Variants in SYT2 observed in about 807,000 individuals in gnomAD.
SYT2 encodes the protein synaptotagmin-2.
In SYT2, 15 loss-of-function variants were observed where a neutral mutation model predicts 39.9. The ratio of observed to expected loss-of-function variants is 0.38; its 90% CI spans 0.25 to 0.58. The LOEUF is 0.58. Ranked by LOEUF, SYT2 falls within the 20% of genes least tolerant of loss-of-function variation. The probability of loss-of-function intolerance (pLI) is 0.70; values close to 1 mark genes in which losing one functional copy is unlikely to be tolerated. For missense variants in SYT2, 389 were observed against 530.3 expected (o/e 0.73, Z 2.62); for synonymous variants, 181 against 204.5 (o/e 0.89, Z 0.98).
chr1:202,618,678 T>C (rs1572629073), intron 1 of SYT2, among the ~76,000 whole-genome samples: 2 of 152,122 alleles, frequency 1.3e-5, no homozygotes, highest in African/African-American at 4.8e-5. Context: ...GTTGCATGGG[T>C]AGAGACCGCA....
chr1:202,705,022 C>A (rs1442713506), intron 1 of SYT2, among the ~76,000 whole-genome samples: 1 of 152,252 alleles, frequency 6.6e-6, no homozygotes, highest in Non-Finnish European at 1.5e-5. Flanking sequence ...CCTCCTGCTT[C>A]TACTCAACGC....
intron 1 of SYT2, among the ~76,000 whole-genome samples, chr1:202,671,513 A>G (rs925822204): frequency 6.6e-6 from 1 of 152,262 alleles, no homozygotes; most frequent in Non-Finnish European, 1.5e-5. Context: ...GCCCAAATCT[A>G]GAAGACAACA....
intron 1 of SYT2, among the ~76,000 whole-genome samples, chr1:202,687,380 C>T (rs1223201397): frequency 6.6e-6 from 1 of 152,170 alleles, no homozygotes; most frequent in Admixed American, 6.5e-5. Context: ...TTCATCTCTA[C>T]GTGAGTTACT....
chr1:202,650,107 G>A (rs920446083), intron 1 of SYT2, among the ~76,000 whole-genome samples: 21 of 152,264 alleles, frequency 1.4e-4, no homozygotes, highest in African/African-American at 5.1e-4. Context: ...GGCCCCGGAA[G>A]AGGAAAAGGG....
At chr1:202,670,315 T>C (rs1692564345) in intron 1 of SYT2, among the ~76,000 whole-genome samples, 1 of 152,164 alleles carries the variant, frequency 6.6e-6, no homozygotes, top group South Asian at 2.1e-4. Context: ...CAGCATGGGA[T>C]TGCAGGATCA....
At chr1:202,600,515 C>G (rs761719749) in intron 6 of SYT2, 41 bp from the exon 7 acceptor site, 1 of 1,587,374 alleles carries the variant, frequency 6.3e-7, no homozygotes, top group South Asian at 1.1e-5. Context: ...TCTCACCCAT[C>G]CTAGTGCCTC....
chr1:202,654,702 C>T (rs373899939), intron 1 of SYT2, among the ~76,000 whole-genome samples: 3 of 152,114 alleles, frequency 2.0e-5, no homozygotes, highest in African/African-American at 7.2e-5. Flanking sequence ...GAGTGTGGGA[C>T]GGTGCTCTAT....
intron 1 of SYT2, among the ~76,000 whole-genome samples, chr1:202,677,539 T>C (rs1490251312): frequency 2.0e-5 from 3 of 152,178 alleles, no homozygotes; most frequent in Non-Finnish European, 4.4e-5. Flanking sequence ...TCCCAGCTGA[T>C]GGCCAGCCCC....
At chr1:202,636,328 A>G in intron 1 of SYT2, 1 of 984,688 alleles carries the variant, frequency 1.0e-6, no homozygotes, top group Non-Finnish European at 1.2e-6. Flanking sequence ...TGCCCTTGGT[A>G]GAAAGCCCAA....
rs184277844 is a variant in SYT2, at chr1:202,662,499, G to A, written c.-18+47759C>T. 6.4e-4 allele frequency among the ~76,000 whole-genome samples: 98 copies of A among 152,228 alleles called. 1 individual carries two copies. Among genetic ancestry groups the A allele is most frequent in the Admixed American group, 6.1e-3 (94 of 15,292 alleles). ...CATAGTCTACCTGGACTATGACAGC[G>A]CAGATACTGGCAGGGCCAAGTGCTA... On this transcript the variant is annotated intron_variant, in intron 1 of 8. Transcript: ENST00000367268.
At chr1:202,645,879 G>T (rs1692071231) in intron 1 of SYT2, among the ~76,000 whole-genome samples, 2 of 152,158 alleles carry the variant, frequency 1.3e-5, no homozygotes, top group African/African-American at 4.8e-5. Context: ...GCCCCCTCAG[G>T]CCCCAGAGAA....
chr1:202,688,790 C>T (rs935285082), intron 1 of SYT2, among the ~76,000 whole-genome samples: 5 of 152,176 alleles, frequency 3.3e-5, no homozygotes, highest in Admixed American at 2.0e-4. Context: ...GGCCCATCCA[C>T]GGGGTCTTTT....
In SYT2 at chr1:202,602,364, C is replaced by T; in HGVS notation, c.633+14G>A. The T allele has an allele frequency of 6.2e-7, 1 of 1,610,920 alleles. No homozygotes were observed. Among genetic ancestry groups the T allele is most frequent in the Non-Finnish European group, 8.5e-7 (1 of 1,178,044 alleles). On this transcript the variant is annotated intron_variant, in intron 5 of 8. Coordinates refer to ENST00000367268, the MANE Select transcript of SYT2 (RefSeq NM_177402.5). ...CAGGCAGGGAGCTGGAGTCACCCTT[C>T]CAGCCCTCAGCACCTTGAAGGTGAA...
At chr1:202,659,706 CCTT>C (rs1692343989) in intron 1 of SYT2, among the ~76,000 whole-genome samples, 1 of 152,184 alleles carries the variant, frequency 6.6e-6, no homozygotes, top group African/African-American at 2.4e-5. Flanking sequence ...CCCCATCTGC[CCTT>C]CTCCTCTAAT....
At chr1:202,665,755 T>A (rs980843701) in intron 1 of SYT2, among the ~76,000 whole-genome samples, 4 of 152,216 alleles carry the variant, frequency 2.6e-5, no homozygotes, top group African/African-American at 9.7e-5. Flanking sequence ...CTTTCCACAT[T>A]CATTGGTCAT....
chr1:202,642,229 C>T (rs555258648), intron 1 of SYT2, among the ~76,000 whole-genome samples: 16 of 152,268 alleles, frequency 1.1e-4, no homozygotes, highest in Admixed American at 7.8e-4. Context: ...GCTGCGTTCA[C>T]AGCTCCACTT....
At chr1:202,664,826 A>ATT (rs1692452854) in intron 1 of SYT2, among the ~76,000 whole-genome samples, 2 of 152,038 alleles carry the variant, frequency 1.3e-5, no homozygotes, top group Non-Finnish European at 2.9e-5. Flanking sequence ...TGCCCAGCTA[A>ATT]TTTTGTATTT....
intron 1 of SYT2, among the ~76,000 whole-genome samples, chr1:202,704,022 A>G (rs1189074651): frequency 1.3e-5 from 2 of 152,110 alleles, no homozygotes; most frequent in Middle Eastern, 3.2e-3. Context: ...GCACCTGACA[A>G]ATGCCTCGGG....
At chr1:202,660,019 A>C (rs1692349019) in intron 1 of SYT2, among the ~76,000 whole-genome samples, 1 of 152,190 alleles carries the variant, frequency 6.6e-6, no homozygotes, top group Non-Finnish European at 1.5e-5. Context: ...TCTCTGCCCA[A>C]GAATCTCTGT....
Sources: allele counts gnomAD v4.1 joint callset (sites outside exome capture counted in the v4.1 genomes callset), GRCh38; gene constraint gnomAD v4.1.1; transcripts MANE v1.5; gene names NCBI Gene and HGNC (gene_info 2026-07-23, HGNC 2026-07-21).